Variants in TECPR2 observed in about 807,000 individuals in gnomAD.
The protein encoded by TECPR2 is tectonin beta-propeller repeat-containing protein 2.
A neutral mutation model predicts 138.1 loss-of-function variants in TECPR2; 65 were observed. That is an observed-to-expected ratio of 0.47 (90% confidence interval 0.39 to 0.58). The LOEUF (loss-of-function observed/expected upper bound fraction) is 0.58. Among genes scored for constraint, TECPR2 ranks in the 20% least tolerant of loss-of-function variants. The pLI is 0.00. For synonymous variants in TECPR2, 746 were observed against 749.8 expected, an observed-to-expected ratio of 0.99 and a Z score of 0.08; for missense variants, 1,553 against 1,824.5, an observed-to-expected ratio of 0.85 and a Z score of 2.71.
rs1891445923 is a variant in TECPR2 at position 102,501,928 on chromosome 14, C to T, written c.*3671C>T. On this transcript the variant is annotated 3_prime_UTR_variant, in exon 20 of 20. Transcript: ENST00000359520. ...GGAGCCCCCCATTGGCGCCGCCCTACTGGGGAAGCCGGTCCGTACGTAGGC... is the reference window on the plus strand; with the variant it reads ...GGAGCCCCCCATTGGCGCCGCCCTATTGGGGAAGCCGGTCCGTACGTAGGC... The T allele has an allele frequency of 6.6e-6, 1 of 152,242 alleles. No homozygotes were observed. The highest frequency in any genetic ancestry group is 2.4e-5 in the African/African-American group (1 of 41,468). 9.4% of individuals were successfully genotyped at this position (152,242 alleles called of 1,614,324 possible).
intron 4 of TECPR2, among the ~76,000 whole-genome samples, chr14:102,413,908 C>T (rs1474933380): frequency 6.6e-6 from 1 of 152,022 alleles, no homozygotes; most frequent in Admixed American, 6.6e-5. Flanking sequence ...AATGATCCTT[C>T]TGTCTCAGCC....
chr14:102,428,244 TGACAGGCCACA>T lies in TECPR2; in HGVS notation c.952-4_958del. On this transcript the variant is annotated splice_acceptor_variant and splice_polypyrimidine_tract_variant and coding_sequence_variant and intron_variant, in exon 7 of 20. Transcript: ENST00000359520. LOFTEE classifies it high-confidence loss of function. ...TTTGTTTTTTTTTTTTTTTTTTTTT[TGACAGGCCACA>T]GTTGCTGGTTTGGAAGGATCCGGTG... The T allele has an allele frequency of 7.4e-7, 1 of 1,350,742 alleles. No homozygotes were observed. 83.7% of individuals were successfully genotyped at this position (1,350,742 alleles called of 1,614,324 possible).
intron 17 of TECPR2, among the ~76,000 whole-genome samples, chr14:102,477,598 TG>T (rs1890792273): frequency 6.8e-6 from 1 of 146,838 alleles, no homozygotes; most frequent in South Asian, 2.3e-4. Context: ...TAGCCCAGAC[TG>T]GGGTACAGTG....
In TECPR2 at chr14:102,446,700, C is replaced by T. The variant is rs188595914; in HGVS notation, c.3075+753C>T. Among the ~76,000 whole-genome samples, 70 of 152,154 alleles carry T rather than the reference C, an allele frequency of 4.6e-4. No individual in the cohort carries two copies. In the Middle Eastern group the frequency reaches 0.024, roughly 52 times the overall value. ...CCACCACTCCCAGCCAATAGTATTC[C>T]TTTTTTCTATTTGATGGATTAGACT... On this transcript the variant is annotated intron_variant, in intron 13 of 19. Coordinates refer to ENST00000359520, the MANE Select transcript of TECPR2 (RefSeq NM_014844.5).
At chr14:102,497,496 C>T (rs1340231754) in intron 18 of TECPR2, 74 bp from the exon 19 acceptor site, 14 of 1,414,568 alleles carry the variant, frequency 9.9e-6, no homozygotes, top group Non-Finnish European at 1.3e-5. Context: ...TGCAGCGTCA[C>T]AAGAGTCGGC....
intron 17 of TECPR2, among the ~76,000 whole-genome samples, chr14:102,494,500 G>A (rs1005256452): frequency 3.4e-5 from 5 of 148,730 alleles, no homozygotes; most frequent in African/African-American, 1.2e-4. Flanking sequence ...CCAAGATCAC[G>A]CCACTGCACT....
At chr14:102,410,468 ATT>A in intron 4 of TECPR2, among the ~76,000 whole-genome samples, 1 of 148,704 alleles carries the variant, frequency 6.7e-6, no homozygotes, top group Admixed American at 6.6e-5. Context: ...AAAAAAATAA[ATT>A]AAAAAAAAAA....
intron 4 of TECPR2, among the ~76,000 whole-genome samples, chr14:102,409,888 T>C (rs1888775337): frequency 6.6e-6 from 1 of 152,176 alleles, no homozygotes; most frequent in Admixed American, 6.5e-5. Context: ...CACTGCAACC[T>C]CCGCCTCCCG....
intron 1 of TECPR2, among the ~76,000 whole-genome samples, chr14:102,371,087 G>A (rs1887494044): frequency 1.3e-5 from 2 of 152,188 alleles, no homozygotes; most frequent in Non-Finnish European, 2.9e-5. Context: ...GGTGCCTCAG[G>A]TAGTTTTAGG....
chr14:102,397,341 G>A (rs1030837119), intron 2 of TECPR2, among the ~76,000 whole-genome samples: 1 of 151,980 alleles, frequency 6.6e-6, no homozygotes, highest in African/African-American at 2.4e-5. Flanking sequence ...CAAAGAAACA[G>A]GAAAGTATGC....
chr14:102,428,153 C>T lies in TECPR2; in HGVS notation c.952-97C>T. 6 of 1,394,658 alleles carry T rather than the reference C, an allele frequency of 4.3e-6. No homozygotes were observed. In the South Asian group the frequency reaches 4.7e-5, roughly 11 times the overall value. The allele number at this position is 1,394,658 out of a possible 1,614,324, so 86.4% of individuals were successfully genotyped here. On this transcript the variant is annotated intron_variant, in intron 6 of 19. Coordinates refer to ENST00000359520, the MANE Select transcript of TECPR2 (RefSeq NM_014844.5). ...ATAGTAAAGTGCAGTTATCATTTGA[C>T]TGATTTGGACTCTCACACATGCATT...
rs1476759472 is a variant in TECPR2 at position 102,419,859 on chromosome 14, A to G, written c.638+5066A>G. ...ACTCAGGGAAGCCCTCCCTGGCAGT[A>G]GCACTTTGCCCTGGGGAAGGAGAAG... On this transcript the variant is annotated intron_variant, in intron 5 of 19. Coordinates refer to ENST00000359520, the MANE Select transcript of TECPR2 (RefSeq NM_014844.5). This position sits in a 1 kb window ranked among gnomAD's most constrained non-coding sequence, Gnocchi z 4.8. Among the ~76,000 whole-genome samples the G allele has an allele frequency of 6.6e-6, 1 of 152,180 alleles. No individual in the cohort carries two copies. The highest frequency in any genetic ancestry group is 1.5e-5 in the Non-Finnish European group (1 of 68,020).
intron 2 of TECPR2, among the ~76,000 whole-genome samples, chr14:102,391,303 G>A (rs947869953): frequency 3.3e-5 from 5 of 152,100 alleles, no homozygotes; most frequent in African/African-American, 9.7e-5. Context: ...CAAGTGATCC[G>A]CCCACCTCGG....
intron 17 of TECPR2, among the ~76,000 whole-genome samples, chr14:102,478,998 A>G (rs1890826982): frequency 1.3e-5 from 2 of 149,660 alleles, no homozygotes; most frequent in Admixed American, 1.3e-4. Flanking sequence ...GCCTGGGCGA[A>G]AGAGTAAGGC....
chr14:102,414,326 A>C (rs918049297), intron 4 of TECPR2, among the ~76,000 whole-genome samples: 4 of 152,208 alleles, frequency 2.6e-5, no homozygotes, highest in African/African-American at 9.7e-5. Flanking sequence ...ATCATCCCTG[A>C]GCCTGCTATG....
chr14:102,394,333 C>T (rs965939530), intron 2 of TECPR2, among the ~76,000 whole-genome samples: 4 of 152,174 alleles, frequency 2.6e-5, no homozygotes, highest in Non-Finnish European at 5.9e-5. Flanking sequence ...CTACCAGGCA[C>T]GGTGGCTCAC....
At chr14:102,409,396 T>C (rs909723850) in intron 4 of TECPR2, among the ~76,000 whole-genome samples, 1 of 151,322 alleles carries the variant, frequency 6.6e-6, no homozygotes, top group African/African-American at 2.4e-5. Context: ...ATATCCCGGG[T>C]TCAAGCGATT....
In TECPR2 at chr14:102,499,377, A is replaced by G; in HGVS notation, c.*1120A>G. On this transcript the variant is annotated 3_prime_UTR_variant, in exon 20 of 20. Coordinates refer to ENST00000359520, the MANE Select transcript of TECPR2 (RefSeq NM_014844.5). ...CCTCATTTCAAATCAAATCTTACAA[A>G]TTTAGAAGAGAGATATGTTTTCCGA... The G allele has an allele frequency of 1.7e-6, 1 of 599,494 alleles. No homozygotes were observed. Among genetic ancestry groups the G allele is most frequent in the Non-Finnish European group, 3.0e-6 (1 of 335,990 alleles). 37.1% of individuals were successfully genotyped at this position (599,494 alleles called of 1,614,324 possible). A position where few individuals can be genotyped will look rare whatever the true frequency, so the allele number is the denominator to read the frequency against.
At chr14:102,489,988 T>C (rs975945299) in intron 17 of TECPR2, among the ~76,000 whole-genome samples, 5 of 151,000 alleles carry the variant, frequency 3.3e-5, no homozygotes, top group Non-Finnish European at 5.9e-5. Context: ...CCACTAAAAA[T>C]AAAGCAAAAA....
Sources: allele counts gnomAD v4.1 joint callset (sites outside exome capture counted in the v4.1 genomes callset), GRCh38; gene constraint gnomAD v4.1.1; non-coding constraint Gnocchi (gnomAD v3.1); transcripts MANE v1.5; gene names NCBI Gene and HGNC (gene_info 2026-07-23, HGNC 2026-07-21).